LYRM4: variants seen among roughly 807,000 people sequenced by gnomAD.
The protein encoded by LYRM4 is LYR motif containing 4.
A neutral mutation model predicts 11.7 loss-of-function variants in LYRM4; 9 were observed. The ratio of observed to expected loss-of-function variants is 0.77; its 90% CI spans 0.46 to 1.34. The LOEUF is 1.34. Among genes scored for constraint, LYRM4 ranks in the 40% most tolerant of loss-of-function variants. The pLI is 0.00. For missense variants in LYRM4, 133 were observed against 112.5 expected (o/e 1.18, Z -0.82); for synonymous variants, 42 against 40.4 (o/e 1.04, Z -0.15).
downstream of LYRM4, chr6:5,105,931 TG>T (rs1328170038): frequency 6.6e-6 from 1 of 152,426 alleles, no homozygotes; most frequent in Non-Finnish European, 1.5e-5. Flanking sequence ...CCCTCTTCCT[TG>T]GCTGCCACCA....
chr6:5,230,826 A>G (rs771524029), intron 1 of LYRM4, among the ~76,000 whole-genome samples: 31 of 152,206 alleles, frequency 2.0e-4, no homozygotes, highest in South Asian at 2.1e-4. Context: ...GAAGGAGAAA[A>G]GGGGACACGT....
At chr6:5,256,974 TATCAA>T (rs1444422711) in intron 1 of LYRM4, among the ~76,000 whole-genome samples, 1 of 152,126 alleles carries the variant, frequency 6.6e-6, no homozygotes, top group African/African-American at 2.4e-5. Flanking sequence ...TCTAATGATT[TATCAA>T]ATACAACATT....
intron 1 of LYRM4, among the ~76,000 whole-genome samples, chr6:5,238,879 A>T (rs148612728): frequency 6.6e-6 from 1 of 152,356 alleles, no homozygotes; most frequent in African/African-American, 2.4e-5. Flanking sequence ...GAGACTATTA[A>T]CTGGGCTCTC....
intron 1 of LYRM4, among the ~76,000 whole-genome samples, chr6:5,238,244 T>C (rs1477379436): frequency 6.6e-6 from 1 of 152,182 alleles, no homozygotes; most frequent in Non-Finnish European, 1.5e-5. Context: ...GAGTATAAAC[T>C]ATATACTGAG....
At chr6:5,242,389 AAG>A (rs1763937787) in intron 1 of LYRM4, among the ~76,000 whole-genome samples, 4 of 151,282 alleles carry the variant, frequency 2.6e-5, no homozygotes, top group Admixed American at 2.0e-4. Context: ...CTTTTAAATT[AAG>A]AGTTCCTACT....
At chr6:5,129,763 T>G (rs1316699658) in intron 2 of LYRM4, among the ~76,000 whole-genome samples, 2 of 152,236 alleles carry the variant, frequency 1.3e-5, no homozygotes, top group African/African-American at 4.8e-5. Context: ...AAACAATTAT[T>G]TTTAAAAATG....
At chr6:5,105,897 A>C (rs1762649740), downstream of LYRM4, 1 of 152,496 alleles carries the variant, frequency 6.6e-6, no homozygotes, top group Admixed American at 6.5e-5. Context: ...TGAGGCTCCA[A>C]GGCCGTCCAC....
intron 2 of LYRM4, among the ~76,000 whole-genome samples, chr6:5,192,880 G>C (rs1384742384): frequency 6.6e-6 from 1 of 152,158 alleles, no homozygotes; most frequent in African/African-American, 2.4e-5. Flanking sequence ...ACAAAAATTA[G>C]CCAGGCTTGG....
At chr6:5,176,389 A>G (rs1177831885) in intron 2 of LYRM4, among the ~76,000 whole-genome samples, 1 of 152,198 alleles carries the variant, frequency 6.6e-6, no homozygotes, top group Non-Finnish European at 1.5e-5. Flanking sequence ...AAGGTGGTAG[A>G]AACAGATTGT....
At chr6:5,241,111 T>C (rs537902009) in intron 1 of LYRM4, among the ~76,000 whole-genome samples, 8 of 152,338 alleles carry the variant, frequency 5.3e-5, no homozygotes, top group Admixed American at 3.9e-4. Context: ...GCCTGCTTAA[T>C]AGAGTTTTTA....
At chr6:5,233,443 A>T (rs538848198) in intron 1 of LYRM4, among the ~76,000 whole-genome samples, 149 of 152,282 alleles carry the variant, frequency 9.8e-4, no homozygotes, top group Middle Eastern at 6.8e-3. Context: ...GTGAGAAGAA[A>T]AGTTAGGGAC....
At chr6:5,064,222 A>C in the LYRM4 span, among the ~76,000 whole-genome samples, 31 of 152,178 alleles carry the variant, frequency 2.0e-4, no homozygotes, top group South Asian at 1.7e-3. Flanking sequence ...GAGCAGAAAT[A>C]AGGGTGACAA....
the LYRM4 span, among the ~76,000 whole-genome samples, chr6:5,062,340 A>G: frequency 6.7e-6 from 1 of 150,090 alleles, no homozygotes; most frequent in South Asian, 2.1e-4. Flanking sequence ...ACATATATAT[A>G]TATGTTTAGA....
chr6:5,239,771 C>G (rs1051870700), intron 1 of LYRM4, among the ~76,000 whole-genome samples: 1 of 152,146 alleles, frequency 6.6e-6, no homozygotes, highest in Non-Finnish European at 1.5e-5. Context: ...TCACTGACTT[C>G]CTAATCGGCA....
chr6:5,236,913 T>C (rs377513032), intron 1 of LYRM4, among the ~76,000 whole-genome samples: 5 of 152,152 alleles, frequency 3.3e-5, no homozygotes, highest in South Asian at 4.2e-4. Flanking sequence ...GCTGTGATTA[T>C]GCCACTGCAT....
chr6:5,069,059 C>CAA, the LYRM4 span, among the ~76,000 whole-genome samples: 4 of 148,200 alleles, frequency 2.7e-5, no homozygotes, highest in African/African-American at 9.9e-5. Flanking sequence ...TTATTTGGTG[C>CAA]AAAAAAAAAA....
intron 2 of LYRM4, among the ~76,000 whole-genome samples, chr6:5,173,998 A>G (rs1759576646): frequency 6.6e-6 from 1 of 152,188 alleles, no homozygotes. Context: ...GGGTAAATGC[A>G]GGTCCAAGGA....
At chr6:5,175,325 C>T (rs1173436216) in intron 2 of LYRM4, among the ~76,000 whole-genome samples, 1 of 152,156 alleles carries the variant, frequency 6.6e-6, no homozygotes, top group Non-Finnish European at 1.5e-5. Context: ...TTCCCACCTC[C>T]GTTTGGAACA....
At chr6:5,149,099 C>T (rs570995851) in intron 2 of LYRM4, among the ~76,000 whole-genome samples, 5 of 152,278 alleles carry the variant, frequency 3.3e-5, no homozygotes, top group East Asian at 1.9e-4. Flanking sequence ...TAGCCAATTT[C>T]GCTTTCTGTT....
Sources: allele counts gnomAD v4.1 joint callset (sites outside exome capture counted in the v4.1 genomes callset), GRCh38; gene constraint gnomAD v4.1.1; transcripts MANE v1.5; gene names NCBI Gene and HGNC (gene_info 2026-07-23, HGNC 2026-07-21).